The following BBS4 variants were observed in gnomAD, a reference collection of about 807,000 sequenced individuals.
BBS4 encodes the protein Bardet-Biedl syndrome 4.
A neutral mutation model predicts 71.4 loss-of-function variants in BBS4; 58 were observed. The observed-to-expected ratio is 0.81, with a 90% CI of 0.66 to 1.01. The LOEUF (loss-of-function observed/expected upper bound fraction) is 1.01, where lower values mean the gene tolerates loss of function less well. Ranked by LOEUF, BBS4 falls within the 50% of genes least tolerant of loss-of-function variation. BBS4 has a pLI of 0.00. For missense variants in BBS4, 660 were observed against 607.9 expected, an observed-to-expected ratio of 1.09 and a Z score of -0.90; for synonymous variants, 228 against 216.8, an observed-to-expected ratio of 1.05 and a Z score of -0.46.
chr15:72,726,173 G>A (rs1260492878), intron 8 of BBS4, among the ~76,000 whole-genome samples: 3 of 150,354 alleles, frequency 2.0e-5, no homozygotes, highest in African/African-American at 2.5e-5. Context: ...GTGCAGTGGC[G>A]CGATCTCGCC....
intron 8 of BBS4, 37 bp downstream of exon 8, chr15:72,724,692 T>TA (rs746087337): frequency 3.1e-6 from 5 of 1,611,434 alleles, no homozygotes; most frequent in East Asian, 4.5e-5. Context: ...AGTGAGAAAC[T>TA]AAAAAAATTG....
rs12898814 is a variant in BBS4, at chr15:72,738,195, G to T, written c.*608G>T. The T allele has an allele frequency of 0.1, 45,504 of 451,228 alleles. 2,462 individuals are homozygous for T. The highest frequency in any genetic ancestry group is 0.17 in the East Asian group (2,495 of 14,372). The allele number at this position is 451,228 out of a possible 1,614,324, so 28.0% of individuals were successfully genotyped here. A position where few individuals can be genotyped will look rare whatever the true frequency, so the allele number is the denominator to read the frequency against. ...CAGAACAAGTCCCTCCCTGTATTTT[G>T]TTCTTGAGAGGGGTCAGTCTAGAAG... On this transcript the variant is annotated 3_prime_UTR_variant, in exon 16 of 16. Transcript: ENST00000268057.
At chr15:72,707,684 C>T (rs965698491) in intron 2 of BBS4, among the ~76,000 whole-genome samples, 6 of 151,682 alleles carry the variant, frequency 4.0e-5, no homozygotes, top group African/African-American at 1.5e-4. Context: ...CTCTTCCTTC[C>T]TTGAGATCTT....
chr15:72,695,919 G>A (rs969932692), intron 2 of BBS4, among the ~76,000 whole-genome samples: 2 of 152,168 alleles, frequency 1.3e-5, no homozygotes, highest in Non-Finnish European at 2.9e-5. Context: ...GTTGGTGCAT[G>A]TCCCATGTAC....
chr15:72,708,076 C>T (rs1394114794), intron 2 of BBS4, among the ~76,000 whole-genome samples: 1 of 151,902 alleles, frequency 6.6e-6, no homozygotes, highest in African/African-American at 2.4e-5. Flanking sequence ...AAGTGATGCT[C>T]CTGCCTCAGC....
rs2065959801 is a variant in BBS4 at position 72,737,935 on chromosome 15, C to T, written c.*348C>T. The T allele has an allele frequency of 2.2e-6, 1 of 455,896 alleles. No individual in the cohort carries two copies. The highest frequency in any genetic ancestry group is 4.4e-6 in the Non-Finnish European group (1 of 228,142). 28.2% of individuals were successfully genotyped at this position (455,896 alleles called of 1,614,324 possible). Reference sequence around the variant, plus strand: ...TCTCTCCTAGCTGACTGACTCCTTCCTTAGTTCAAGGAACAGCTGAGACAG... The same window carrying T: ...TCTCTCCTAGCTGACTGACTCCTTCTTTAGTTCAAGGAACAGCTGAGACAG... On this transcript the variant is annotated 3_prime_UTR_variant, in exon 16 of 16. Coordinates refer to ENST00000268057, the MANE Select transcript of BBS4 (RefSeq NM_033028.5).
chr15:72,724,699 A>C, intron 8 of BBS4, 44 bp downstream of exon 8: 1 of 1,609,734 alleles, frequency 6.2e-7, no homozygotes, highest in South Asian at 1.1e-5. Flanking sequence ...AACTAAAAAA[A>C]TTGAGTGGAT....
intron 2 of BBS4, among the ~76,000 whole-genome samples, chr15:72,695,768 G>T (rs1446281307): frequency 6.6e-6 from 1 of 152,186 alleles, no homozygotes; most frequent in African/African-American, 2.4e-5. Flanking sequence ...TTATGTAAGT[G>T]TGTACTAATT....
rs775803272 is a variant in BBS4 at position 72,737,510 on chromosome 15, C to T, written c.1483C>T (p.Pro495Ser). 23 of 1,613,004 alleles carry T rather than the reference C, an allele frequency of 1.4e-5. 1 individual carries two copies. The South Asian group carries it at 2.5e-4, about 18-fold the overall frequency. The change falls in exon 16 of 16, where the codon CCA becomes TCA. Residue 495 changes from proline (P) to serine (S), a missense_variant. Physicochemically the swap from Pro to Ser is moderately conservative, Grantham distance 74 (BLOSUM62 -1). Coordinates refer to ENST00000268057, the MANE Select transcript of BBS4 (RefSeq NM_033028.5). ...AGGTSQFTKP[P>S]SLPLEPEPAV... The stretch of plus-strand genomic sequence containing the variant: ...AGGAACATCCCAGTTCACAAAGCCC[C>T]CATCTCTTCCTCTGGAGCCAGAGCC...
chr15:72,731,762 T>C (rs992458516), intron 12 of BBS4, 36 bp downstream of exon 12: 2 of 1,611,788 alleles, frequency 1.2e-6, no homozygotes, highest in African/African-American at 1.3e-5. Flanking sequence ...CTCTCTGCCA[T>C]CTGTAATGAG....
rs527303778 is a variant in BBS4 at position 72,738,132 on chromosome 15, C to G, written c.*545C>G. On this transcript the variant is annotated 3_prime_UTR_variant, in exon 16 of 16. Coordinates refer to ENST00000268057, the MANE Select transcript of BBS4 (RefSeq NM_033028.5). ...AAAGCCCTGGAAGTTGAGGCCAAGCCTGCTGAGTATTGCAGCTGCATTTGC... is the reference window on the plus strand; with the variant it reads ...AAAGCCCTGGAAGTTGAGGCCAAGCGTGCTGAGTATTGCAGCTGCATTTGC... The G allele has an allele frequency of 4.0e-5, 18 of 452,450 alleles. No homozygotes were observed. The East Asian group carries it at 1.3e-3, about 31-fold the overall frequency. The allele number at this position is 452,450 out of a possible 1,614,324, so 28.0% of individuals were successfully genotyped here. A position where few individuals can be genotyped will look rare whatever the true frequency, so the allele number is the denominator to read the frequency against.
intron 6 of BBS4, among the ~76,000 whole-genome samples, chr15:72,719,102 T>C (rs1484169426): frequency 6.6e-6 from 1 of 152,006 alleles, no homozygotes; most frequent in Non-Finnish European, 1.5e-5. Context: ...CAGGAAAAGT[T>C]ACTGCTTTAA....
intron 2 of BBS4, among the ~76,000 whole-genome samples, chr15:72,703,224 A>G (rs1365699194): frequency 6.6e-6 from 1 of 152,148 alleles, no homozygotes; most frequent in Non-Finnish European, 1.5e-5. Context: ...AGGAAAGAGA[A>G]GACAGGGCTT....
At chr15:72,731,238 G>T in intron 10 of BBS4, 67 bp from the exon 11 acceptor site, 1 of 1,605,422 alleles carries the variant, frequency 6.2e-7, no homozygotes, top group Admixed American at 1.7e-5. Context: ...ATAGACTCAG[G>T]AAAGCTGCCC....
At chr15:72,689,778 C>CTTTT (rs533102789) in intron 1 of BBS4, among the ~76,000 whole-genome samples, 323 of 142,196 alleles carry the variant, frequency 2.3e-3, no homozygotes, top group African/African-American at 8.3e-3. Context: ...GCTTATAAAT[C>CTTTT]TTTTTATTTA....
At position 72,687,124 on chromosome 15, in the gene BBS4, C is replaced by CTTTTTTTTTTTTTTTTTTTTTTTT. The variant is rs1458417621; in HGVS notation, c.24+883_24+884insTTTTTTTTTTTTTTTTTTTTTTTT. On this transcript the variant is annotated intron_variant, in intron 1 of 15. Coordinates refer to ENST00000268057, the MANE Select transcript of BBS4 (RefSeq NM_033028.5). The stretch of plus-strand genomic sequence containing the variant: ...AATTAGAAAACTCTGAAGACAGAAA[C>CTTTTTTTTTTTTTTTTTTTTTTTT]TTTTTTTTTTGAGACGGAGTGTCGC... Among the ~76,000 whole-genome samples the CTTTTTTTTTTTTTTTTTTTTTTTT allele has an allele frequency of 1.1e-3, 83 of 76,226 alleles. 21 individuals are homozygous for CTTTTTTTTTTTTTTTTTTTTTTTT. Among genetic ancestry groups the CTTTTTTTTTTTTTTTTTTTTTTTT allele is most frequent in the African/African-American group, 2.5e-3 (51 of 20,534 alleles). 50.0% of individuals were successfully genotyped at this position (76,226 alleles called of 152,430 possible).
intron 1 of BBS4, chr15:72,686,658 A>C: frequency 1.0e-6 from 1 of 981,302 alleles, no homozygotes; most frequent in African/African-American, 1.7e-5. Context: ...GCCTTCTGCC[A>C]GTGGAGCGGG....
rs753709130 is a variant in BBS4 at position 72,735,853 on chromosome 15, G to T, written c.1135G>T (p.Ala379Ser). 5.6e-6 allele frequency: 9 copies of T among 1,614,008 alleles called. No homozygotes were observed. The highest frequency in any genetic ancestry group is 1.7e-5 in the Admixed American group (1 of 60,002). ...KCNPLVNLNY[A>S]VLLYNQGEKK... The stretch of plus-strand genomic sequence containing the variant: ...TAACCCTTTAGTAAACCTGAACTAT[G>T]CTGTGCTGCTGTACAACCAGGGCGA... Residue 379 changes from alanine to serine, a missense_variant, in exon 14 of 16, where the codon GCT (alanine) becomes TCT (serine). Physicochemically the swap from Ala to Ser is moderately conservative, Grantham distance 99. Transcript: ENST00000268057.
intron 6 of BBS4, among the ~76,000 whole-genome samples, chr15:72,722,380 T>TCA (rs1481658118): frequency 6.6e-6 from 1 of 152,336 alleles, no homozygotes; most frequent in East Asian, 1.9e-4. Context: ...GTGTCAGGTG[T>TCA]CACTATCCAA....
Sources: allele counts gnomAD v4.1 joint callset (sites outside exome capture counted in the v4.1 genomes callset), GRCh38; gene constraint gnomAD v4.1.1; transcripts MANE v1.5; gene names NCBI Gene and HGNC (gene_info 2026-07-23, HGNC 2026-07-21).